Variants in KCNA3 observed in about 807,000 individuals in gnomAD.
KCNA3 encodes potassium voltage-gated channel subfamily A member 3.
Under a neutral mutation model 34.3 loss-of-function variants are expected in KCNA3, and 18 were observed. That is an observed-to-expected ratio of 0.52 (90% confidence interval 0.36 to 0.78). KCNA3 has a LOEUF of 0.78. Ranked by LOEUF, KCNA3 falls within the 30% of genes least tolerant of loss-of-function variation. The pLI is 0.00. For synonymous variants in KCNA3, 324 were observed against 351.7 expected (o/e 0.92, Z 0.88); for missense variants, 587 against 802.5 (o/e 0.73, Z 3.24).
chr1:110,661,006 G>A, the KCNA3 span, among the ~76,000 whole-genome samples: 2 of 152,100 alleles, frequency 1.3e-5, no homozygotes, highest in African/African-American at 4.8e-5. Context: ...ATGTATTCTA[G>A]AAATTTACTA....
At chr1:110,667,068 GGT>G in the KCNA3 span, among the ~76,000 whole-genome samples, 4 of 150,770 alleles carry the variant, frequency 2.7e-5, no homozygotes, top group Non-Finnish European at 4.4e-5. Flanking sequence ...ACAGGTGAGG[GGT>G]GTGTGTGTGT....
In KCNA3 at chr1:110,673,529, A is replaced by G; in HGVS notation, c.1281T>C (p.Gly427=). Residue 427 remains glycine (G), a synonymous_variant, in exon 1 of 1, where the codon GGT becomes GGC. Coordinates refer to ENST00000369769, the MANE Select transcript of KCNA3 (RefSeq NM_002232.5). This position sits in a 1 kb window ranked among gnomAD's most constrained non-coding sequence, Gnocchi z 8.8. ...YFAEADDPTS[G]FSSIPDAFWW... ...AGAAGGCATCCGGGATGCTGCTGAAACCTGAAGTGGGGTCGTCTGCCTCGG... is the reference window on the plus strand; with the variant it reads ...AGAAGGCATCCGGGATGCTGCTGAAGCCTGAAGTGGGGTCGTCTGCCTCGG... The G allele has an allele frequency of 6.2e-7, 1 of 1,613,968 alleles. No homozygotes were observed. The highest frequency in any genetic ancestry group is 8.5e-7 in the Non-Finnish European group (1 of 1,179,984).
chr1:110,674,557 G>A lies in KCNA3; in HGVS notation c.253C>T (p.Arg85Cys). 1 of 1,565,096 alleles carries A rather than the reference G, an allele frequency of 6.4e-7. No individual in the cohort carries two copies. ...QGGCGGGGCDRYEPLPPSLPA... is the reference protein window; with the variant it reads ...QGGCGGGGCDCYEPLPPSLPA... ...AGTGAGGGCGGCAGCGGCTCGTAGC[G>A]GTCGCAGCCGCCGCCGCCACAGCCG... The change falls in exon 1 of 1, where the codon CGC becomes TGC. Residue 85 changes from arginine (R) to cysteine (C), a missense_variant. This residue lies in a region of KCNA3 where 341 missense variants were observed against 355.4 expected (regional missense o/e 0.96). Coordinates refer to ENST00000369769, the MANE Select transcript of KCNA3 (RefSeq NM_002232.5). This position sits in a 1 kb window ranked among gnomAD's most constrained non-coding sequence, Gnocchi z 6.4.
chr1:110,662,755 GC>G, the KCNA3 span, among the ~76,000 whole-genome samples: 1 of 152,144 alleles, frequency 6.6e-6, no homozygotes, highest in Non-Finnish European at 1.5e-5. Context: ...GGGAAAATGA[GC>G]TGTGAGGTAT....
At chr1:110,667,510 T>C (rs1651727192), downstream of KCNA3, among the ~76,000 whole-genome samples, 1 of 152,202 alleles carries the variant, frequency 6.6e-6, no homozygotes. Context: ...TTTTTCTCCA[T>C]TTAAGTGTTA....
downstream of KCNA3, among the ~76,000 whole-genome samples, chr1:110,668,722 G>T (rs1398471084): frequency 6.6e-6 from 1 of 152,090 alleles, no homozygotes; most frequent in East Asian, 1.9e-4. Context: ...TTTCTATCTG[G>T]ATTCATCAGC....
chr1:110,665,921 G>A, the KCNA3 span, among the ~76,000 whole-genome samples: 1 of 152,176 alleles, frequency 6.6e-6, no homozygotes, highest in East Asian at 1.9e-4. Flanking sequence ...GTACACTTTT[G>A]GTGGAATGAT....
rs1027320211 is a variant in KCNA3 at position 110,672,993 on chromosome 1, G to T, written c.*89C>A. 1.8e-5 allele frequency: 23 copies of T among 1,260,418 alleles called. No homozygotes were observed. The Admixed American group carries it at 4.2e-4, about 23-fold the overall frequency. 78.1% of individuals were successfully genotyped at this position (1,260,418 alleles called of 1,614,324 possible). A position where few individuals can be genotyped will look rare whatever the true frequency, so the allele number is the denominator to read the frequency against. On this transcript the variant is annotated 3_prime_UTR_variant, in exon 1 of 1. Coordinates refer to ENST00000369769, the MANE Select transcript of KCNA3 (RefSeq NM_002232.5). ...CTTCAGGTCCTTTCCTTGATGAATG[G>T]TCTGGAAATGTATAAAACAAGGGCA... is the stretch of plus-strand genomic sequence containing the variant.
downstream of KCNA3, among the ~76,000 whole-genome samples, chr1:110,669,128 T>C (rs1251733017): frequency 2.0e-5 from 3 of 152,232 alleles, no homozygotes; most frequent in Non-Finnish European, 2.9e-5. Flanking sequence ...CTGCTTTTAA[T>C]ACTTCTGTTC....
At position 110,674,639 on chromosome 1, in the gene KCNA3, G is replaced by C; in HGVS notation, c.171C>G (p.Pro57=). The C allele has an allele frequency of 6.5e-7, 1 of 1,545,792 alleles. No individual in the cohort carries two copies. The highest frequency in any genetic ancestry group is 8.6e-7 in the Non-Finnish European group (1 of 1,157,008). Residue 57 remains proline (P), a synonymous_variant, in exon 1 of 1, where the codon CCC becomes CCG. Coordinates refer to ENST00000369769, the MANE Select transcript of KCNA3 (RefSeq NM_002232.5). This position sits in a 1 kb window ranked among gnomAD's most constrained non-coding sequence, Gnocchi z 6.4. ...CCTCCGGCTCCAGCAGGTGGTCCCC[G>C]GGCACCACGGTCATGTCGGGCGGCA... ...RELPPDMTVV[P]GDHLLEPEVA...
chr1:110,670,538 A>C (rs1265392482), downstream of KCNA3, among the ~76,000 whole-genome samples: 1 of 152,162 alleles, frequency 6.6e-6, no homozygotes, highest in Non-Finnish European at 1.5e-5. Flanking sequence ...ACAGATACAA[A>C]AATTATTTTA....
downstream of KCNA3, among the ~76,000 whole-genome samples, chr1:110,671,348 A>G (rs1651884221): frequency 6.6e-6 from 1 of 152,254 alleles, no homozygotes; most frequent in African/African-American, 2.4e-5. Flanking sequence ...TATTTTTAAA[A>G]AGACACCAAG....
the KCNA3 span, chr1:110,654,154 A>C: frequency 3.9e-5 from 6 of 152,206 alleles, no homozygotes; most frequent in Non-Finnish European, 5.9e-5. Context: ...TCATATTTTA[A>C]CTGGGAAAAT....
rs1269960590 is a variant in KCNA3 at position 110,674,620 on chromosome 1, G to A, written c.190C>T (p.Pro64Ser). 3.2e-6 allele frequency: 5 copies of A among 1,557,144 alleles called. No homozygotes were observed. The highest frequency in any genetic ancestry group is 4.3e-6 in the Non-Finnish European group (5 of 1,160,536). The change falls in exon 1 of 1, where the codon CCG (proline) becomes TCG (serine). Residue 64 changes from proline (P) to serine (S), a missense_variant. This residue lies in a region of KCNA3 where 341 missense variants were observed against 355.4 expected (regional missense o/e 0.96). Coordinates refer to ENST00000369769, the MANE Select transcript of KCNA3 (RefSeq NM_002232.5). The surrounding 1 kb of genome is among the most constrained non-coding windows in gnomAD (Gnocchi z 6.4). Reference protein sequence around the residue: ...TVVPGDHLLEPEVADGGGAPP... With the variant: ...TVVPGDHLLESEVADGGGAPP... The stretch of plus-strand genomic sequence containing the variant: ...GCCCCTCCACCATCGGCCACCTCCG[G>A]CTCCAGCAGGTGGTCCCCGGGCACC...
chr1:110,669,098 AG>A (rs1219989459), downstream of KCNA3, among the ~76,000 whole-genome samples: 4 of 152,208 alleles, frequency 2.6e-5, no homozygotes, highest in Non-Finnish European at 5.9e-5. Context: ...CACAAGTTTC[AG>A]TGAACTGGCA....
At chr1:110,663,887 A>G in the KCNA3 span, among the ~76,000 whole-genome samples, 1 of 152,232 alleles carries the variant, frequency 6.6e-6, no homozygotes, top group East Asian at 1.9e-4. Flanking sequence ...ATGTATGAAC[A>G]ATCACTTCAA....
At chr1:110,658,708 AT>A in the KCNA3 span, among the ~76,000 whole-genome samples, 1 of 152,262 alleles carries the variant, frequency 6.6e-6, no homozygotes, top group South Asian at 2.1e-4. Context: ...AGCTATAAAC[AT>A]TAGATGAAAT....
chr1:110,672,109 C>T (rs543876715), downstream of KCNA3, among the ~76,000 whole-genome samples: 1 of 152,144 alleles, frequency 6.6e-6, no homozygotes, highest in Non-Finnish European at 1.5e-5. Context: ...ACTGTGGAAA[C>T]GGCAGGGGCT....
the KCNA3 span, among the ~76,000 whole-genome samples, chr1:110,660,346 C>T: frequency 6.6e-6 from 1 of 152,132 alleles, no homozygotes; most frequent in Non-Finnish European, 1.5e-5. Context: ...TTAGAATCAT[C>T]GAAAGGTTCT....
Sources: allele counts gnomAD v4.1 joint callset (sites outside exome capture counted in the v4.1 genomes callset), GRCh38; gene constraint gnomAD v4.1.1; regional missense constraint gnomAD v4.1.1; non-coding constraint Gnocchi (gnomAD v3.1); transcripts MANE v1.5; gene names NCBI Gene and HGNC (gene_info 2026-07-23, HGNC 2026-07-21).